Variants in RUFY1 observed in about 807,000 individuals in gnomAD.
RUFY1 encodes RUN and FYVE domain-containing protein 1.
A neutral mutation model predicts 94.6 loss-of-function variants in RUFY1; 54 were observed. The ratio of observed to expected loss-of-function variants is 0.57; its 90% CI spans 0.46 to 0.72. The LOEUF (loss-of-function observed/expected upper bound fraction) is 0.72. Ranked by LOEUF, RUFY1 falls within the 30% of genes least tolerant of loss-of-function variation. RUFY1 has a pLI of 0.00. For missense variants in RUFY1, 883 were observed against 883.9 expected, an observed-to-expected ratio of 1.00 and a Z score of 0.01; for synonymous variants, 396 against 347.3, an observed-to-expected ratio of 1.14 and a Z score of -1.56.
At chr5:179,585,066 G>A (rs573102918) in intron 7 of RUFY1, among the ~76,000 whole-genome samples, 51 of 152,282 alleles carry the variant, frequency 3.3e-4, no homozygotes, top group African/African-American at 1.2e-3. Context: ...AGGAGGTGGA[G>A]GTTCCAGTGA....
intron 6 of RUFY1, among the ~76,000 whole-genome samples, chr5:179,579,657 C>CTTCTTTTTTTTTTTTTTTTTTTT (rs1433456916): frequency 2.0e-5 from 1 of 50,562 alleles, no homozygotes; most frequent in Non-Finnish European, 3.8e-5. Context: ...TTTTCTTCTT[C>CTTCTTTTTTTTTTTTTTTTTTTT]TTTTTTTTTT....
intron 3 of RUFY1, among the ~76,000 whole-genome samples, chr5:179,565,127 G>A (rs1379311737): frequency 1.3e-5 from 2 of 150,578 alleles, no homozygotes; most frequent in Non-Finnish European, 3.0e-5. Context: ...GGAGGACAAG[G>A]AGACAAGTAT....
At chr5:179,579,663 T>TTTTTC (rs1763954063) in intron 6 of RUFY1, among the ~76,000 whole-genome samples, 16 of 58,992 alleles carry the variant, frequency 2.7e-4, no homozygotes, top group Admixed American at 2.3e-3. Context: ...TCTTCTTTTT[T>TTTTTC]TTTTTTTTTT....
intron 10 of RUFY1, among the ~76,000 whole-genome samples, chr5:179,592,416 C>G (rs1581520809): frequency 6.6e-6 from 1 of 152,160 alleles, no homozygotes; most frequent in Non-Finnish European, 1.5e-5. Flanking sequence ...CCGTGCCCGG[C>G]CAGTTTTTTG....
At position 179,568,616 on chromosome 5, in the gene RUFY1, C is replaced by T. The variant is rs563868583; in HGVS notation, c.705-686C>T. ...TTCAATTTTTTATTTATAATCGATA[C>T]AAAATTATACATATTTATGGGATAC... is the stretch of plus-strand genomic sequence containing the variant. On this transcript the variant is annotated intron_variant, in intron 4 of 17. Transcript: ENST00000319449. 2.0e-5 allele frequency among the ~76,000 whole-genome samples: 3 copies of T among 152,182 alleles called. No homozygotes were observed. In the East Asian group the frequency reaches 5.8e-4, roughly 29 times the overall value.
At chr5:179,593,087 T>A (rs1765245355) in intron 10 of RUFY1, among the ~76,000 whole-genome samples, 1 of 152,154 alleles carries the variant, frequency 6.6e-6, no homozygotes, top group African/African-American at 2.4e-5. Flanking sequence ...TTGTTTTGGT[T>A]TGTTTTTTTC....
chr5:179,570,527 G>A (rs906504264), intron 5 of RUFY1, among the ~76,000 whole-genome samples: 3 of 152,204 alleles, frequency 2.0e-5, no homozygotes, highest in African/African-American at 7.2e-5. Context: ...CTGGTGACCA[G>A]AGCCAAGGCC....
intron 5 of RUFY1, among the ~76,000 whole-genome samples, chr5:179,569,680 G>A (rs978062014): frequency 6.6e-6 from 1 of 152,072 alleles, no homozygotes; most frequent in East Asian, 1.9e-4. Context: ...CTCTGTGGGC[G>A]AGGTGAAAGT....
intron 15 of RUFY1, 40 bp downstream of exon 15, chr5:179,602,026 C>T (rs1392009731): frequency 4.7e-6 from 7 of 1,486,078 alleles, no homozygotes; most frequent in Non-Finnish European, 6.6e-6. Context: ...TGCAGGCACA[C>T]CAGGCTACCC....
intron 8 of RUFY1, among the ~76,000 whole-genome samples, chr5:179,589,066 A>AT (rs138601847): frequency 0.052 from 7,825 of 151,724 alleles, 230 homozygotes; most frequent in Middle Eastern, 0.068. Context: ...AACCTAGTTG[A>AT]TTTTTTTTTA....
intron 7 of RUFY1, among the ~76,000 whole-genome samples, chr5:179,584,869 C>A (rs1388393301): frequency 1.3e-5 from 2 of 152,108 alleles, no homozygotes; most frequent in African/African-American, 4.8e-5. Flanking sequence ...GGCGCAGTGG[C>A]TCACGCCTGT....
At chr5:179,579,631 C>T (rs1488598278) in intron 6 of RUFY1, among the ~76,000 whole-genome samples, 4 of 129,200 alleles carry the variant, frequency 3.1e-5, no homozygotes, top group African/African-American at 1.1e-4. Flanking sequence ...TGTGCCTGGC[C>T]TAACAAAATA....
intron 8 of RUFY1, 30 bp from the exon 9 acceptor site, chr5:179,589,513 ATGT>A (rs1217460509): frequency 1.6e-5 from 21 of 1,292,564 alleles, no homozygotes; most frequent in Non-Finnish European, 2.2e-5. Context: ...ATTAATTTTG[ATGT>A]TAAGAACTGT....
At position 179,559,929 on chromosome 5, in the gene RUFY1, T is replaced by A. The variant is rs749923648; in HGVS notation, c.311-96T>A. ...ACGTCCGTTCCCTAAGCAGACCGCC[T>A]GGCCTCCTGCCTGACCCGTCTTCTC... On this transcript the variant is annotated intron_variant, in intron 1 of 17. Coordinates refer to ENST00000319449, the MANE Select transcript of RUFY1 (RefSeq NM_025158.5). The A allele has an allele frequency of 1.4e-3, 2,157 of 1,493,430 alleles. 2 individuals carry two copies. The highest frequency in any genetic ancestry group is 1.8e-3 in the Non-Finnish European group (2,021 of 1,124,502). The allele number at this position is 1,493,430 out of a possible 1,614,324, so 92.5% of individuals were successfully genotyped here.
At chr5:179,564,435 T>C (rs1762675311) in intron 3 of RUFY1, among the ~76,000 whole-genome samples, 1 of 150,898 alleles carries the variant, frequency 6.6e-6, no homozygotes, top group African/African-American at 2.4e-5. Context: ...TTTTTTTTTT[T>C]TTTTTTAAGA....
rs1765465779 is a variant in RUFY1 at position 179,594,887 on chromosome 5, C to G, written c.1435C>G (p.Gln479Glu). 1 of 1,612,398 alleles carries G rather than the reference C, an allele frequency of 6.2e-7. No individual in the cohort carries two copies. Among genetic ancestry groups the G allele is most frequent in the Admixed American group, 1.7e-5 (1 of 59,886 alleles). Residue 479 changes from glutamine (Q) to glutamate (E), a missense_variant, in exon 12 of 18, where the codon CAG becomes GAG. Transcript: ENST00000319449. Reference sequence around the variant, plus strand: ...GTAGAATGCAGAGAGCAGTTTGCAGCAGAAGAATGAAGCCATCACATCCTT... The same window carrying G: ...GTAGAATGCAGAGAGCAGTTTGCAGGAGAAGAATGAAGCCATCACATCCTT... ...KAQNAESSLQ[Q>E]KNEAITSFEG...
chr5:179,588,257 G>A (rs1397112572), intron 8 of RUFY1, among the ~76,000 whole-genome samples: 1 of 152,148 alleles, frequency 6.6e-6, no homozygotes, highest in Non-Finnish European at 1.5e-5. Flanking sequence ...GAGAAAGTGA[G>A]GAGTTCAGTG....
At position 179,550,678 on chromosome 5, in the gene RUFY1, G is replaced by A. The variant is rs1220471308; in HGVS notation, c.109G>A (p.Glu37Lys). 1 of 1,499,236 alleles carries A rather than the reference G, an allele frequency of 6.7e-7. No homozygotes were observed. Among genetic ancestry groups the A allele is most frequent in the Non-Finnish European group, 8.8e-7 (1 of 1,130,300 alleles). 92.9% of individuals were successfully genotyped at this position (1,499,236 alleles called of 1,614,324 possible). A position where few individuals can be genotyped will look rare whatever the true frequency, so the allele number is the denominator to read the frequency against. The change falls in exon 1 of 18, where the codon GAG becomes AAG. Residue 37 changes from glutamate to lysine, a missense_variant. Transcript: ENST00000319449. ...AGCGCTTGAGCCGGGAGAAGAGTTT[G>A]AGATCGTGGACCGAAGCCAGCTGCC... ...GSALEPGEEF[E>K]IVDRSQLPGP... is the part of the protein sequence containing the mutation.
At chr5:179,594,375 G>A (rs189600540) in intron 11 of RUFY1, among the ~76,000 whole-genome samples, 1 of 151,028 alleles carries the variant, frequency 6.6e-6, no homozygotes, top group Admixed American at 6.6e-5. Context: ...TGAGTCTTCC[G>A]GGCCACATAG....
Sources: allele counts gnomAD v4.1 joint callset (sites outside exome capture counted in the v4.1 genomes callset), GRCh38; gene constraint gnomAD v4.1.1; transcripts MANE v1.5; gene names NCBI Gene and HGNC (gene_info 2026-07-23, HGNC 2026-07-21).